ARB2A: variants seen among roughly 807,000 people sequenced by gnomAD.
ARB2A encodes ARB2 cotranscriptional regulator A.
At chr5:93,910,985 A>G in the ARB2A span, 1 of 151,564 alleles carries the variant, frequency 6.6e-6, no homozygotes, top group Admixed American at 6.6e-5. Flanking sequence ...ATCAAAATTT[A>G]CTACATGTAA....
the ARB2A span, chr5:93,805,037 G>A: frequency 1.0e-6 from 1 of 963,772 alleles, no homozygotes. Context: ...GAGATTTTAT[G>A]AGGGGATGCA....
At chr5:93,989,912 C>T in the ARB2A span, among the ~76,000 whole-genome samples, 1 of 152,162 alleles carries the variant, frequency 6.6e-6, no homozygotes, top group South Asian at 2.1e-4. Flanking sequence ...GTTTCCTTCT[C>T]ACTCTGTTAA....
chr5:93,716,904 A>G, the ARB2A span, among the ~76,000 whole-genome samples: 3 of 152,286 alleles, frequency 2.0e-5, no homozygotes, highest in South Asian at 6.2e-4. Context: ...GCCTTATTCC[A>G]TAATAACAAT....
At chr5:94,021,546 C>T in the ARB2A span, among the ~76,000 whole-genome samples, 1 of 152,196 alleles carries the variant, frequency 6.6e-6, no homozygotes. Flanking sequence ...TAACAGAAGA[C>T]ATAGACAACA....
chr5:94,107,008 G>T, the ARB2A span, among the ~76,000 whole-genome samples: 1 of 151,766 alleles, frequency 6.6e-6, no homozygotes, highest in Non-Finnish European at 1.5e-5. Flanking sequence ...AAGAGGATGA[G>T]AATTGAAAAA....
the ARB2A span, among the ~76,000 whole-genome samples, chr5:94,092,205 G>T: frequency 5.3e-5 from 8 of 152,122 alleles, no homozygotes; most frequent in African/African-American, 1.9e-4. Context: ...AATTAGCCAG[G>T]TGTGGTGGCA....
chr5:93,818,919 G>T, the ARB2A span, among the ~76,000 whole-genome samples: 1 of 152,118 alleles, frequency 6.6e-6, no homozygotes, highest in East Asian at 1.9e-4. Flanking sequence ...CGGGCGCGGT[G>T]GCTCACGCCT....
chr5:93,694,151 C>T, the ARB2A span, among the ~76,000 whole-genome samples: 2 of 152,296 alleles, frequency 1.3e-5, no homozygotes, highest in South Asian at 2.1e-4. Context: ...CCCTCTCTCA[C>T]AACTCCTATT....
chr5:94,065,866 A>G, the ARB2A span, among the ~76,000 whole-genome samples: 1 of 152,310 alleles, frequency 6.6e-6, no homozygotes, highest in Middle Eastern at 3.4e-3. Context: ...TACACATTAG[A>G]TCAAATGGAC....
At chr5:94,056,550 C>T in the ARB2A span, among the ~76,000 whole-genome samples, 1 of 152,080 alleles carries the variant, frequency 6.6e-6, no homozygotes, top group African/African-American at 2.4e-5. Context: ...GATTTGAATC[C>T]ATATAACCTA....
At chr5:93,796,154 C>T in the ARB2A span, among the ~76,000 whole-genome samples, 2 of 152,174 alleles carry the variant, frequency 1.3e-5, no homozygotes, top group East Asian at 3.8e-4. Flanking sequence ...AAATCTCAGC[C>T]TTTATTCCCT....
chr5:94,010,537 A>C, the ARB2A span, among the ~76,000 whole-genome samples: 1 of 152,264 alleles, frequency 6.6e-6, no homozygotes, highest in East Asian at 1.9e-4. Flanking sequence ...CAAGCAGTTG[A>C]TGCTTTCCCA....
chr5:93,833,056 C>A, the ARB2A span, among the ~76,000 whole-genome samples: 3 of 152,158 alleles, frequency 2.0e-5, no homozygotes, highest in Non-Finnish European at 4.4e-5. Context: ...TCAGGATTAC[C>A]TGCCAGCTCT....
chr5:93,630,107 A>G, the ARB2A span, among the ~76,000 whole-genome samples: 4 of 152,232 alleles, frequency 2.6e-5, no homozygotes. Flanking sequence ...GAAATAAAAT[A>G]TAACTACTAA....
the ARB2A span, among the ~76,000 whole-genome samples, chr5:93,722,508 C>T: frequency 1.3e-5 from 2 of 152,194 alleles, no homozygotes; most frequent in East Asian, 3.9e-4. Flanking sequence ...CTCAATAGTG[C>T]TATCTTGCTG....
chr5:93,863,320 T>C, the ARB2A span: 4 of 151,798 alleles, frequency 2.6e-5, no homozygotes, highest in African/African-American at 9.7e-5. Flanking sequence ...CAGGCTGGAG[T>C]GCAGTGAGAT....
chr5:93,823,159 G>T, the ARB2A span, among the ~76,000 whole-genome samples: 1 of 152,126 alleles, frequency 6.6e-6, no homozygotes, highest in Non-Finnish European at 1.5e-5. Flanking sequence ...GGTAGGATTG[G>T]TAACTTCCTG....
At chr5:93,972,811 C>T in the ARB2A span, among the ~76,000 whole-genome samples, 1 of 151,816 alleles carries the variant, frequency 6.6e-6, no homozygotes, top group Non-Finnish European at 1.5e-5. Flanking sequence ...TGTGGTGGCT[C>T]ACGCCTGTGA....
At chr5:93,824,265 T>C in the ARB2A span, 32,590 of 1,571,438 alleles carry the variant, frequency 0.021, 394 homozygotes, top group Non-Finnish European at 0.024. Context: ...GAGAACCATT[T>C]TCCTATAAGG....
Sources: gnomAD v4.1 joint callset for allele counts (sites outside exome capture counted in the v4.1 genomes callset) on GRCh38, gnomAD v4.1.1 for gene constraint, MANE v1.5 for transcripts, NCBI Gene and HGNC (gene_info 2026-07-23, HGNC 2026-07-21) for gene names.